The following DLGAP2 variants were observed in gnomAD, a reference collection of about 807,000 sequenced individuals.
DLGAP2 encodes the protein DLG associated protein 2.
In DLGAP2, 26 loss-of-function variants were observed where a neutral mutation model predicts 100.3. The ratio of observed to expected loss-of-function variants is 0.26; its 90% CI spans 0.19 to 0.36. The LOEUF is 0.36. Among genes scored for constraint, DLGAP2 ranks in the 10% least tolerant of loss-of-function variants. The pLI, the probability that DLGAP2 is intolerant of heterozygous loss-of-function variation, is 1.00. For synonymous variants in DLGAP2, 886 were observed against 630.1 expected (o/e 1.41, Z -6.08); for missense variants, 1,858 against 1,453.2 (o/e 1.28, Z -4.53).
intron 14 of DLGAP2, among the ~76,000 whole-genome samples, chr8:1,697,977 C>A (rs1430578765): frequency 6.6e-6 from 1 of 152,194 alleles, no homozygotes. Context: ...CCTGAGGAAC[C>A]ATAAATGGAT....
chr8:1,685,022 A>T (rs1799078662), intron 12 of DLGAP2, among the ~76,000 whole-genome samples: 1 of 152,104 alleles, frequency 6.6e-6, no homozygotes, highest in Non-Finnish European at 1.5e-5. Flanking sequence ...GAACATAGGG[A>T]TTTGCTCACT....
rs567451595 is a variant in DLGAP2 at position 1,647,488 on chromosome 8, CAAAAAAAAAAAAAAAAAAAAA to C, written c.1810+14460_1810+14480del. Among the ~76,000 whole-genome samples, 219 of 44,982 alleles carry C rather than the reference CAAAAAAAAAAAAAAAAAAAAA, an allele frequency of 4.9e-3. 1 individual carries two copies. Among genetic ancestry groups the C allele is most frequent in the Non-Finnish European group, 9.6e-3 (166 of 17,212 alleles). The allele number at this position is 44,982 out of a possible 152,430, so 29.5% of individuals were successfully genotyped here. On this transcript the variant is annotated intron_variant, in intron 8 of 14. Coordinates refer to ENST00000637795, the MANE Select transcript of DLGAP2 (RefSeq NM_001346810.2). ...TGGGAGACAGAGAGAGACTCTGTCT[CAAAAAAAAAAAAAAAAAAAAA>C]AAAAAAAAAAAAAAAAAGTGCATCT...
At chr8:1,433,546 CT>C (rs1207882946) in intron 3 of DLGAP2, among the ~76,000 whole-genome samples, 1 of 152,216 alleles carries the variant, frequency 6.6e-6, no homozygotes, top group East Asian at 1.9e-4. Flanking sequence ...GGTCCTCGAG[CT>C]GGATGACACA....
chr8:769,507 G>T (rs1166234227), intron 1 of DLGAP2, among the ~76,000 whole-genome samples: 1 of 152,266 alleles, frequency 6.6e-6, no homozygotes, highest in East Asian at 1.9e-4. Context: ...TTCCCTTTTA[G>T]TGTTGCTCCT....
intron 3 of DLGAP2, among the ~76,000 whole-genome samples, chr8:1,276,100 T>C (rs1269782099): frequency 2.1e-5 from 3 of 143,572 alleles, no homozygotes; most frequent in Non-Finnish European, 4.5e-5. Flanking sequence ...GTATATAATA[T>C]ATAAATATAT....
chr8:1,292,142 C>A (rs747170933), intron 3 of DLGAP2, among the ~76,000 whole-genome samples: 4 of 152,204 alleles, frequency 2.6e-5, no homozygotes, highest in African/African-American at 9.6e-5. Flanking sequence ...ACCCTGGACA[C>A]CCTCCAGAAT....
intron 8 of DLGAP2, among the ~76,000 whole-genome samples, chr8:1,646,401 T>C (rs931563692): frequency 2.6e-5 from 4 of 152,172 alleles, no homozygotes; most frequent in Non-Finnish European, 4.4e-5. Context: ...GTCTCTTCCT[T>C]ACCATCTCTC....
At chr8:1,470,656 C>T (rs1183156003) in intron 3 of DLGAP2, among the ~76,000 whole-genome samples, 4 of 152,084 alleles carry the variant, frequency 2.6e-5, no homozygotes, top group African/African-American at 9.7e-5. Flanking sequence ...ACTAATCTCT[C>T]GGCACAATCC....
At chr8:1,502,951 A>G (rs974989885) in intron 4 of DLGAP2, among the ~76,000 whole-genome samples, 1 of 152,098 alleles carries the variant, frequency 6.6e-6, no homozygotes, top group African/African-American at 2.4e-5. Context: ...AGCAGGGGGC[A>G]CAGAACTGAA....
chr8:793,012 C>G (rs1424583381), intron 1 of DLGAP2, among the ~76,000 whole-genome samples: 1 of 152,204 alleles, frequency 6.6e-6, no homozygotes, highest in Non-Finnish European at 1.5e-5. Context: ...GCTTTAGTTT[C>G]AGAAGATTAT....
At chr8:1,701,082 GGCTGCGGTC>G (rs1799553046) in intron 14 of DLGAP2, 97 bp from the exon 15 acceptor site, 1 of 1,031,998 alleles carries the variant, frequency 9.7e-7, no homozygotes, top group Non-Finnish European at 1.4e-6. Flanking sequence ...CGGCCCTGGG[GGCTGCGGTC>G]GGGAAGGGTC....
At chr8:1,130,708 G>C (rs1796274009) in intron 2 of DLGAP2, among the ~76,000 whole-genome samples, 1 of 152,218 alleles carries the variant, frequency 6.6e-6, no homozygotes, top group Non-Finnish European at 1.5e-5. Context: ...TTCCTCCCAG[G>C]CAGGGCGTCC....
chr8:1,070,766 T>A (rs1041288475), intron 2 of DLGAP2, among the ~76,000 whole-genome samples: 1 of 152,200 alleles, frequency 6.6e-6, no homozygotes, highest in Non-Finnish European at 1.5e-5. Context: ...AATGAATGAT[T>A]GTGCACAGGA....
chr8:1,565,831 C>T lies in DLGAP2; in HGVS notation c.1379C>T (p.Ser460Leu), dbSNP rs765818847. 6.9e-5 allele frequency: 111 copies of T among 1,613,460 alleles called. No individual in the cohort carries two copies. The highest frequency in any genetic ancestry group is 2.0e-4 in the Admixed American group (12 of 59,942). The change falls in exon 6 of 15, where the codon TCG becomes TTG. Residue 460 changes from serine to leucine, a missense_variant. Ser to Leu is a moderately radical substitution (Grantham distance 145). Transcript: ENST00000637795. Reference protein sequence around the residue: ...SDSSPKTSPKSAILPEPLLKS... With the variant: ...SDSSPKTSPKLAILPEPLLKS... Reference sequence around the variant, plus strand: ...TCCAGCCCCAAGACATCACCAAAGTCGGCAATCCTACCAGAGCCGCTGCTG... The same window carrying T: ...TCCAGCCCCAAGACATCACCAAAGTTGGCAATCCTACCAGAGCCGCTGCTG...
chr8:1,227,861 G>T (rs1169401115), intron 2 of DLGAP2, among the ~76,000 whole-genome samples: 1 of 152,134 alleles, frequency 6.6e-6, no homozygotes. Context: ...AAATTGAACT[G>T]TATTTGGAAT....
At chr8:1,149,965 C>T (rs1406035487) in intron 2 of DLGAP2, among the ~76,000 whole-genome samples, 1 of 152,234 alleles carries the variant, frequency 6.6e-6, no homozygotes, top group Admixed American at 6.5e-5. Context: ...TGTTTAGCCA[C>T]AGATACGAAT....
At chr8:1,056,371 C>T (rs1481241403) in intron 2 of DLGAP2, among the ~76,000 whole-genome samples, 1 of 152,152 alleles carries the variant, frequency 6.6e-6, no homozygotes, top group Non-Finnish European at 1.5e-5. Context: ...TGTCCTCTGT[C>T]CTGGTTTACC....
chr8:1,199,316 C>T (rs143961983), intron 2 of DLGAP2, among the ~76,000 whole-genome samples: 1 of 152,236 alleles, frequency 6.6e-6, no homozygotes, highest in Non-Finnish European at 1.5e-5. Context: ...GGTTGAGCTT[C>T]TCCCTGGTGA....
intron 3 of DLGAP2, among the ~76,000 whole-genome samples, chr8:1,284,929 T>G (rs1376067971): frequency 6.6e-6 from 1 of 152,228 alleles, no homozygotes; most frequent in Non-Finnish European, 1.5e-5. Flanking sequence ...TTACTTTGTT[T>G]TTGCCTGCCC....
Sources: gnomAD v4.1 joint callset for allele counts (sites outside exome capture counted in the v4.1 genomes callset) on GRCh38, gnomAD v4.1.1 for gene constraint, MANE v1.5 for transcripts, NCBI Gene and HGNC (gene_info 2026-07-23, HGNC 2026-07-21) for gene names.